ACVR1B: variants seen among roughly 807,000 people sequenced by gnomAD.
ACVR1B encodes activin A receptor type 1B.
In ACVR1B, 15 loss-of-function variants were observed where a neutral mutation model predicts 55.6. The ratio of observed to expected loss-of-function variants is 0.27; its 90% CI spans 0.18 to 0.42. The LOEUF (loss-of-function observed/expected upper bound fraction) is 0.42. ACVR1B is among the 10% of genes least tolerant of loss of function. The pLI is 1.00. For missense variants in ACVR1B, 359 were observed against 670.1 expected (o/e 0.54, Z 5.13); for synonymous variants, 247 against 254.6 (o/e 0.97, Z 0.28).
In ACVR1B at chr12:51,997,001, A is replaced by G. The variant is rs1284143438; in HGVS notation, c.*2891A>G. On this transcript the variant is annotated 3_prime_UTR_variant, in exon 9 of 9. Transcript: ENST00000257963. ...TATGCAAATGTAAATAAATTGTAAT[A>G]TAGGAAATCTTTTGTTTTAATATAA... The G allele has an allele frequency of 1.3e-5, 2 of 152,650 alleles. No individual in the cohort carries two copies. The highest frequency in any genetic ancestry group is 1.5e-5 in the Non-Finnish European group (1 of 68,046). 9.5% of individuals were successfully genotyped at this position (152,650 alleles called of 1,614,324 possible).
chr12:51,953,742 G>A (rs533249956), intron 1 of ACVR1B, among the ~76,000 whole-genome samples: 1 of 152,242 alleles, frequency 6.6e-6, no homozygotes, highest in African/African-American at 2.4e-5. Flanking sequence ...ATTTGATGTA[G>A]TGTTTGTGGG....
chr12:51,952,272 C>T (rs920566165), intron 1 of ACVR1B, among the ~76,000 whole-genome samples: 3 of 152,094 alleles, frequency 2.0e-5, no homozygotes, highest in African/African-American at 4.8e-5. Flanking sequence ...GGGGTTCGGG[C>T]GGTGGGGTCT....
At chr12:51,974,569 C>T (rs554293538) in intron 1 of ACVR1B, among the ~76,000 whole-genome samples, 8 of 152,160 alleles carry the variant, frequency 5.3e-5, no homozygotes, top group Admixed American at 3.3e-4. Flanking sequence ...TATCCAGGGG[C>T]CTTTCAGGAT....
intron 1 of ACVR1B, among the ~76,000 whole-genome samples, chr12:51,970,455 A>G (rs1268388639): frequency 6.6e-6 from 1 of 151,962 alleles, no homozygotes; most frequent in Non-Finnish European, 1.5e-5. Flanking sequence ...GAAAGTGAAA[A>G]CTCTTGATAC....
At chr12:51,983,902 TA>T in intron 4 of ACVR1B, 96 bp from the exon 5 acceptor site, 1 of 1,283,934 alleles carries the variant, frequency 7.8e-7, no homozygotes, top group Non-Finnish European at 1.1e-6. Flanking sequence ...TTCAGGAGTC[TA>T]ACCTGATTTT....
intron 1 of ACVR1B, among the ~76,000 whole-genome samples, chr12:51,974,871 G>C (rs975147494): frequency 2.0e-5 from 3 of 152,192 alleles, no homozygotes; most frequent in African/African-American, 7.2e-5. Context: ...AGGAAGCCGT[G>C]GGTGTGCTTG....
At chr12:51,993,485 C>T (rs1278497050) in intron 8 of ACVR1B, among the ~76,000 whole-genome samples, 1 of 152,062 alleles carries the variant, frequency 6.6e-6, no homozygotes, top group Non-Finnish European at 1.5e-5. Context: ...GGAAGAGCCG[C>T]CTGGCGCGGT....
Position 51,991,470 on chromosome 12 carries a change from C to G in ACVR1B, c.1262-393C>G, listed in dbSNP as rs562033733. Among the ~76,000 whole-genome samples, 3 of 152,346 alleles carry G rather than the reference C, an allele frequency of 2.0e-5. No individual in the cohort carries two copies. In the South Asian group the frequency reaches 6.2e-4, roughly 32 times the overall value. On this transcript the variant is annotated intron_variant, in intron 7 of 8. Coordinates refer to ENST00000257963, the MANE Select transcript of ACVR1B (RefSeq NM_004302.5). ...AGGCTGGAGTGCAGTGGCATGATCT[C>G]TGCTCACTGCAACCTCTGCCTCCAG...
chr12:51,957,548 C>T (rs546384097), intron 1 of ACVR1B, among the ~76,000 whole-genome samples: 89 of 151,772 alleles, frequency 5.9e-4, no homozygotes, highest in African/African-American at 2.0e-3. Context: ...TAGGATCACA[C>T]GCACATGCCA....
chr12:51,951,880 G>T (rs754557218), intron 1 of ACVR1B, 46 bp downstream of exon 1: 2 of 1,164,332 alleles, frequency 1.7e-6, no homozygotes, highest in Admixed American at 8.5e-5. Context: ...AGAGGGCCCG[G>T]CAAGGGCGAG....
chr12:51,968,828 A>G (rs145486596), intron 1 of ACVR1B, among the ~76,000 whole-genome samples: 21 of 152,344 alleles, frequency 1.4e-4, no homozygotes, highest in East Asian at 3.9e-4. Context: ...TTTAGCACCA[A>G]CGTGCTCAAA....
intron 3 of ACVR1B, 105 bp downstream of exon 3, chr12:51,976,680 C>G: frequency 7.0e-7 from 1 of 1,421,326 alleles, no homozygotes; most frequent in Non-Finnish European, 9.6e-7. Context: ...TTGTTTCTAC[C>G]AGCATTGAGT....
In ACVR1B at chr12:51,982,790, AG is replaced by A. The variant is rs1942005513; in HGVS notation, c.812-1208del. ...ATACAAGGGAGGAAGGGGAAGAGCA[AG>A]ATTTTTATTCCCACTGAGTAAGCTA... On this transcript the variant is annotated intron_variant, in intron 4 of 8. Transcript: ENST00000257963. 6 of 1,528,394 alleles carry A rather than the reference AG, an allele frequency of 3.9e-6. No homozygotes were observed. The East Asian group carries it at 7.4e-5, about 19-fold the overall frequency. 94.7% of individuals were successfully genotyped at this position (1,528,394 alleles called of 1,614,324 possible).
chr12:51,973,013 A>G (rs1310703963), intron 1 of ACVR1B, among the ~76,000 whole-genome samples: 2 of 152,186 alleles, frequency 1.3e-5, no homozygotes, highest in African/African-American at 4.8e-5. Context: ...CCTGTCTAGC[A>G]TAGATTTCAC....
chr12:51,975,122 G>T, intron 1 of ACVR1B, 143 bp from the exon 2 acceptor site: 1 of 1,180,256 alleles, frequency 8.5e-7, no homozygotes, highest in Admixed American at 2.6e-5. Flanking sequence ...GTTGTGCTCA[G>T]TTAAGGATAT....
At chr12:51,970,488 C>T (rs112567112) in intron 1 of ACVR1B, among the ~76,000 whole-genome samples, 4,466 of 152,262 alleles carry the variant, frequency 0.029, 94 homozygotes, top group Non-Finnish European at 0.044. Context: ...TAGCTCTGCA[C>T]GGTGTTTTCT....
At chr12:51,952,934 G>T (rs960671698) in intron 1 of ACVR1B, among the ~76,000 whole-genome samples, 1 of 151,894 alleles carries the variant, frequency 6.6e-6, no homozygotes, top group African/African-American at 2.4e-5. Context: ...TTCGCTGGCT[G>T]TGTTGTTTTT....
At chr12:51,985,801 A>AT (rs537899017) in intron 6 of ACVR1B, among the ~76,000 whole-genome samples, 193 of 152,292 alleles carry the variant, frequency 1.3e-3, no homozygotes, top group African/African-American at 4.4e-3. Flanking sequence ...ACCCTTCAAG[A>AT]TTATGGGCCT....
rs181253786 is a variant in ACVR1B at position 51,972,204 on chromosome 12, C to T, written c.92-3061C>T. On this transcript the variant is annotated intron_variant, in intron 1 of 8. Coordinates refer to ENST00000257963, the MANE Select transcript of ACVR1B (RefSeq NM_004302.5). Reference sequence around the variant, plus strand: ...GGAGGATCCCTTGAGCCCAGGAATTCGAGTCCAGCTTGGGCAACATAACAA... The same window carrying T: ...GGAGGATCCCTTGAGCCCAGGAATTTGAGTCCAGCTTGGGCAACATAACAA... 6.6e-5 allele frequency among the ~76,000 whole-genome samples: 10 copies of T among 152,206 alleles called. No homozygotes were observed. In the East Asian group the frequency reaches 1.9e-3, roughly 29 times the overall value.
Sources: allele counts gnomAD v4.1 joint callset (sites outside exome capture counted in the v4.1 genomes callset), GRCh38; gene constraint gnomAD v4.1.1; transcripts MANE v1.5; gene names NCBI Gene and HGNC (gene_info 2026-07-23, HGNC 2026-07-21).